Variants in ZFP3 observed in about 807,000 individuals in gnomAD.
The protein encoded by ZFP3 is ZFP3 zinc finger protein, also known as zinc finger protein 3 homolog.
ZFP3 carries 18 observed loss-of-function variants against 36.7 expected under a neutral mutation model. The ratio of observed to expected loss-of-function variants is 0.49; its 90% confidence interval spans 0.34 to 0.73. The LOEUF (loss-of-function observed/expected upper bound fraction) is 0.73, where lower values mean the gene tolerates loss of function less well. Among genes scored for constraint, ZFP3 ranks in the 30% least tolerant of loss-of-function variants. The pLI is 0.01. For synonymous variants in ZFP3, 218 were observed against 199.0 expected, an observed-to-expected ratio of 1.10 and a Z score of -0.81; for missense variants, 495 against 599.0, an observed-to-expected ratio of 0.83 and a Z score of 1.81.
intron 1 of ZFP3, among the ~76,000 whole-genome samples, chr17:5,084,164 C>T (rs2072108391): frequency 6.6e-6 from 1 of 150,772 alleles, no homozygotes; most frequent in South Asian, 2.1e-4. Flanking sequence ...CTGTGCCTGG[C>T]TCATGTAGAT....
rs746414670 is a variant in ZFP3 at position 5,091,967 on chromosome 17, C to G, written c.463C>G (p.His155Asp). 6.2e-7 allele frequency: 1 copy of G among 1,614,136 alleles called. No individual in the cohort carries two copies. Among genetic ancestry groups the G allele is most frequent in the African/African-American group, 1.3e-5 (1 of 75,046 alleles). The change falls in exon 2 of 2, where the codon CAT becomes GAT. Residue 155 changes from histidine to aspartate, a missense_variant. Physicochemically the swap from His to Asp is moderately conservative, Grantham distance 81. Coordinates refer to ENST00000318833, the MANE Select transcript of ZFP3 (RefSeq NM_153018.3). ...ECGKAFNQNS[H>D]LIQHMRVHSG... Reference sequence around the variant, plus strand: ...TGGGAAAGCCTTTAATCAGAACTCACATCTCATCCAGCATATGAGAGTTCA... The same window carrying G: ...TGGGAAAGCCTTTAATCAGAACTCAGATCTCATCCAGCATATGAGAGTTCA...
At chr17:5,090,581 T>A (rs2072144691) in intron 1 of ZFP3, among the ~76,000 whole-genome samples, 1 of 152,192 alleles carries the variant, frequency 6.6e-6, no homozygotes, top group African/African-American at 2.4e-5. Context: ...AGCTGATGAG[T>A]ACCAGAGAAC....
intron 1 of ZFP3, among the ~76,000 whole-genome samples, chr17:5,090,140 C>T (rs2072142503): frequency 1.3e-5 from 2 of 152,116 alleles, no homozygotes; most frequent in Non-Finnish European, 2.9e-5. Context: ...ATAAAAACAA[C>T]ATCAGCATAA....
In ZFP3 at chr17:5,092,055, T is replaced by C; in HGVS notation, c.551T>C (p.Leu184Pro). ...AAGACATTTGGAACTAATTCAAGCC[T>C]TCGACGGCACCTGAGAATTCATGCT... ...CGKTFGTNSS[L>P]RRHLRIHAGE... is the part of the protein sequence containing the mutation. Residue 184 changes from leucine (L) to proline (P), a missense_variant, in exon 2 of 2, where the codon CTT (leucine) becomes CCT (proline). By Grantham distance (98) the Leu-to-Pro change is moderately conservative (BLOSUM62 -3). Transcript: ENST00000318833. This position sits in a 1 kb window ranked among gnomAD's most constrained non-coding sequence, Gnocchi z 5.0. 1 of 1,614,226 alleles carries C rather than the reference T, an allele frequency of 6.2e-7. No homozygotes were observed. Among genetic ancestry groups the C allele is most frequent in the Non-Finnish European group, 8.5e-7 (1 of 1,180,036 alleles).
At chr17:5,088,112 A>G (rs118035611) in intron 1 of ZFP3, among the ~76,000 whole-genome samples, 93 of 152,112 alleles carry the variant, frequency 6.1e-4, no homozygotes, top group Admixed American at 2.7e-3. Flanking sequence ...ATATATTTTG[A>G]CTGATTCTTT....
At position 5,091,977 on chromosome 17, in the gene ZFP3, A is replaced by G; in HGVS notation, c.473A>G (p.Gln158Arg). 2 of 1,614,064 alleles carry G rather than the reference A, an allele frequency of 1.2e-6. No individual in the cohort carries two copies. Among genetic ancestry groups the G allele is most frequent in the African/African-American group, 1.3e-5 (1 of 75,058 alleles). ...KAFNQNSHLI[Q>R]HMRVHSGEKP... ...TTTAATCAGAACTCACATCTCATCC[A>G]GCATATGAGAGTTCATAGTGGAGAA... Residue 158 changes from glutamine (Q) to arginine (R), a missense_variant, in exon 2 of 2, where the codon CAG becomes CGG. By Grantham distance (43) the Gln-to-Arg change is conservative. This residue lies in a region of ZFP3 where 229 missense variants were observed against 233.8 expected (regional missense o/e 0.98). Transcript: ENST00000318833.
At chr17:5,083,004 A>G (rs2072102141) in intron 1 of ZFP3, among the ~76,000 whole-genome samples, 1 of 152,128 alleles carries the variant, frequency 6.6e-6, no homozygotes, top group African/African-American at 2.4e-5. Context: ...CAGTTACAGT[A>G]ACTAGAGTCA....
Position 5,092,020 on chromosome 17 carries a change from A to G in ZFP3, c.516A>G (p.Lys172=), listed in dbSNP as rs1413075542. The change falls in exon 2 of 2, where the codon AAA becomes AAG. Residue 172 remains lysine, a synonymous_variant. Coordinates refer to ENST00000318833, the MANE Select transcript of ZFP3 (RefSeq NM_153018.3). This position sits in a 1 kb window ranked among gnomAD's most constrained non-coding sequence, Gnocchi z 5.0. ...VHSGEKPFEC[K]ECGKTFGTNS... ...GTGGAGAAAAACCCTTTGAATGTAA[A>G]GAATGTGGAAAGACATTTGGAACTA... 1.2e-6 allele frequency: 2 copies of G among 1,614,222 alleles called. No homozygotes were observed. Among genetic ancestry groups the G allele is most frequent in the East Asian group, 2.2e-5 (1 of 44,888 alleles).
intron 1 of ZFP3, among the ~76,000 whole-genome samples, chr17:5,086,974 T>C (rs2072124913): frequency 6.6e-6 from 1 of 152,012 alleles, no homozygotes; most frequent in Non-Finnish European, 1.5e-5. Flanking sequence ...ATGATCTGCC[T>C]GCCTTGGCCT....
In ZFP3 at chr17:5,078,945, T is replaced by A. The variant is rs963246650; in HGVS notation, c.-9+370T>A. On this transcript the variant is annotated intron_variant, in intron 1 of 1. Coordinates refer to ENST00000318833, the MANE Select transcript of ZFP3 (RefSeq NM_153018.3). This position sits in a 1 kb window ranked among gnomAD's most constrained non-coding sequence, Gnocchi z 4.5. ...CGAAATGGCGGGCAGTGTCACAAAC[T>A]TAACGCCCTAGTGGCAGATTGTGCC... Among the ~76,000 whole-genome samples the A allele has an allele frequency of 1.3e-5, 2 of 152,170 alleles. No homozygotes were observed. Among genetic ancestry groups the A allele is most frequent in the Admixed American group, 1.3e-4 (2 of 15,282 alleles).
Position 5,092,416 on chromosome 17 carries a change from T to G in ZFP3, c.912T>G (p.Thr304=), listed in dbSNP as rs2072154972. The change falls in exon 2 of 2, where the codon ACT becomes ACG. Residue 304 remains threonine (T), a synonymous_variant. Transcript: ENST00000318833. The surrounding 1 kb of genome is among the most constrained non-coding windows in gnomAD (Gnocchi z 5.0). ...SGLIRHQKIH[T]GEKPYLCNEC... ...TTATTAGACACCAGAAAATTCATACTGGAGAAAAACCATATCTGTGTAATG... is the reference window on the plus strand; with the variant it reads ...TTATTAGACACCAGAAAATTCATACGGGAGAAAAACCATATCTGTGTAATG... 1 of 1,614,102 alleles carries G rather than the reference T, an allele frequency of 6.2e-7. No homozygotes were observed. Among genetic ancestry groups the G allele is most frequent in the Non-Finnish European group, 8.5e-7 (1 of 1,180,042 alleles).
rs1028944334 is a variant in ZFP3, at chr17:5,078,959, G to A, written c.-9+384G>A. Among the ~76,000 whole-genome samples the A allele has an allele frequency of 6.6e-6, 1 of 152,222 alleles. No individual in the cohort carries two copies. On this transcript the variant is annotated intron_variant, in intron 1 of 1. Transcript: ENST00000318833. This position sits in a 1 kb window ranked among gnomAD's most constrained non-coding sequence, Gnocchi z 4.5. The stretch of plus-strand genomic sequence containing the variant: ...GTGTCACAAACTTAACGCCCTAGTG[G>A]CAGATTGTGCCCTGTGCTGCCAGAC...
Position 5,093,305 on chromosome 17 carries a change from ATAGC to A in ZFP3, c.*296_*299del, listed in dbSNP as rs1196602225. 1 of 324,324 alleles carries A rather than the reference ATAGC, an allele frequency of 3.1e-6. No homozygotes were observed. 20.1% of individuals were successfully genotyped at this position (324,324 alleles called of 1,614,324 possible). On this transcript the variant is annotated 3_prime_UTR_variant, in exon 2 of 2. Coordinates refer to ENST00000318833, the MANE Select transcript of ZFP3 (RefSeq NM_153018.3). ...CAGTCCTCCTGCCTCAGCCTTCCAA[ATAGC>A]TAGGACTGCAGGCACTAATGAGGCA...
At chr17:5,090,638 C>G (rs944570467) in intron 1 of ZFP3, among the ~76,000 whole-genome samples, 1 of 152,130 alleles carries the variant, frequency 6.6e-6, no homozygotes, top group Non-Finnish European at 1.5e-5. Flanking sequence ...GTTACTTCCC[C>G]TGTACACCCA....
intron 1 of ZFP3, among the ~76,000 whole-genome samples, chr17:5,089,304 G>T (rs1161091607): frequency 6.6e-6 from 1 of 152,164 alleles, no homozygotes; most frequent in Non-Finnish European, 1.5e-5. Flanking sequence ...GGCTATGCCA[G>T]TATACTCATG....
At position 5,092,899 on chromosome 17, in the gene ZFP3, C is replaced by A. The variant is rs868082260; in HGVS notation, c.1395C>A (p.Ile465=). The change falls in exon 2 of 2, where the codon ATC becomes ATA. Residue 465 remains isoleucine (I), a synonymous_variant. Transcript: ENST00000318833. The surrounding 1 kb of genome is among the most constrained non-coding windows in gnomAD (Gnocchi z 5.0). ...CATTTAGCCAGCATTCCCAACTTAT[C>A]ATACATCAGAGAATTCACACTGGAG... ...EKTFSQHSQL[I]IHQRIHTGEK... 2 of 1,613,962 alleles carry A rather than the reference C, an allele frequency of 1.2e-6. No individual in the cohort carries two copies. The highest frequency in any genetic ancestry group is 3.3e-4 in the Middle Eastern group (2 of 6,062).
intron 1 of ZFP3, among the ~76,000 whole-genome samples, chr17:5,084,566 C>T (rs1014874531): frequency 2.0e-5 from 3 of 152,034 alleles, no homozygotes; most frequent in East Asian, 3.9e-4. Context: ...TGAGCCACCG[C>T]GCCCGGCCTG....
At chr17:5,079,040 G>C (rs946115577) in intron 1 of ZFP3, among the ~76,000 whole-genome samples, 2 of 152,236 alleles carry the variant, frequency 1.3e-5, no homozygotes, top group African/African-American at 4.8e-5. Context: ...GAGCTGCAAA[G>C]ATAGAGCCCT....
At chr17:5,088,102 A>T (rs910594700) in intron 1 of ZFP3, among the ~76,000 whole-genome samples, 8 of 152,138 alleles carry the variant, frequency 5.3e-5, no homozygotes, top group Non-Finnish European at 8.8e-5. Flanking sequence ...CTTTAGACCA[A>T]TATATTTTGA....
Sources: allele counts gnomAD v4.1 joint callset (sites outside exome capture counted in the v4.1 genomes callset), GRCh38; gene constraint gnomAD v4.1.1; regional missense constraint gnomAD v4.1.1; non-coding constraint Gnocchi (gnomAD v3.1); transcripts MANE v1.5; gene names NCBI Gene and HGNC (gene_info 2026-07-23, HGNC 2026-07-21).